The following PKMYT1 variants were observed in gnomAD, a reference collection of about 807,000 sequenced individuals.
PKMYT1 encodes protein kinase, membrane associated tyrosine/threonine 1.
In PKMYT1, 35 loss-of-function variants were observed where a neutral mutation model predicts 49.7. The ratio of observed to expected loss-of-function variants is 0.70; its 90% CI spans 0.54 to 0.93. The LOEUF (loss-of-function observed/expected upper bound fraction) is 0.93. PKMYT1 is among the 40% of genes least tolerant of loss of function. The pLI, the probability that PKMYT1 is intolerant of heterozygous loss-of-function variation, is 0.00. For missense variants in PKMYT1, 677 were observed against 673.1 expected (o/e 1.01, Z -0.06); for synonymous variants, 331 against 287.6 (o/e 1.15, Z -1.53).
chr16:2,978,909 T>G (rs1368567023), intron 2 of PKMYT1, among the ~76,000 whole-genome samples: 14 of 150,902 alleles, frequency 9.3e-5, no homozygotes, highest in Admixed American at 1.3e-4. Context: ...CAGGTTCAAG[T>G]AATTCTCTTG....
rs1567389100 is a variant in PKMYT1, at chr16:2,976,999, C to T, written c.43G>A (p.Glu15Lys). ...PPALAMPMPT[E>K]GTPPPLSGTP... is the part of the protein sequence containing the mutation. Reference sequence around the variant, plus strand: ...CCACTCAGAGGTGGCGGGGTGCCCTCCGTGGGCATGGGCATGGCCAGTGCA... The same window carrying T: ...CCACTCAGAGGTGGCGGGGTGCCCTTCGTGGGCATGGGCATGGCCAGTGCA... Residue 15 changes from glutamate to lysine, a missense_variant, in exon 3 of 9, where the codon GAG becomes AAG. Transcript: ENST00000262300. 3.8e-6 allele frequency: 6 copies of T among 1,575,942 alleles called. No individual in the cohort carries two copies. The highest frequency in any genetic ancestry group is 5.2e-6 in the Non-Finnish European group (6 of 1,163,322).
intron 7 of PKMYT1, chr16:2,973,464 A>G (rs1266012569): frequency 6.6e-7 from 1 of 1,511,466 alleles, no homozygotes. Context: ...CAGATTTGAA[A>G]TAAACTTTTA....
At chr16:2,977,353 T>A in intron 2 of PKMYT1, 1 of 1,088,156 alleles carries the variant, frequency 9.2e-7, no homozygotes, top group Non-Finnish European at 1.1e-6. Flanking sequence ...ATCCCTGCCC[T>A]CATCACGGCC....
At position 2,974,311 on chromosome 16, in the gene PKMYT1, C is replaced by A; in HGVS notation, c.1086G>T (p.Pro362=). The A allele has an allele frequency of 6.3e-7, 1 of 1,596,802 alleles. No individual in the cohort carries two copies. The highest frequency in any genetic ancestry group is 8.5e-7 in the Non-Finnish European group (1 of 1,172,368). The change falls in exon 6 of 9, where the codon CCG becomes CCT. Residue 362 remains proline (P), a synonymous_variant. Coordinates refer to ENST00000262300, the MANE Select transcript of PKMYT1 (RefSeq NM_004203.5). The part of the protein sequence containing the change: ...ALLALPVLRQ[P]RAWGVLWCMA... ...TGCACCACAGCACACCCCAGGCCCGCGGCTGCCTCAACACAGGCAGTGCCA... is the reference window on the plus strand; with the variant it reads ...TGCACCACAGCACACCCCAGGCCCGAGGCTGCCTCAACACAGGCAGTGCCA...
chr16:2,976,218 GA>G (rs2072189647), intron 3 of PKMYT1: 1 of 218,396 alleles, frequency 4.6e-6, no homozygotes, highest in African/African-American at 2.3e-5. Flanking sequence ...TCATACAAGG[GA>G]AAACTCCTCT....
At chr16:2,973,458 T>C (rs750204107) in intron 7 of PKMYT1, 7 of 1,516,016 alleles carry the variant, frequency 4.6e-6, no homozygotes, top group Non-Finnish European at 6.2e-6. Flanking sequence ...TGGAGGCAGA[T>C]TTGAAATAAA....
chr16:2,978,235 G>A (rs573252593), intron 2 of PKMYT1, among the ~76,000 whole-genome samples: 14 of 152,302 alleles, frequency 9.2e-5, no homozygotes, highest in Admixed American at 2.6e-4. Context: ...GAAACAGTGC[G>A]TAGGGAAGTT....
Position 2,974,234 on chromosome 16 carries a change from C to T in PKMYT1, c.1152+11G>A, listed in dbSNP as rs756556592. On this transcript the variant is annotated intron_variant, in intron 6 of 8. Transcript: ENST00000262300. ...GAGCAGGGCAGGCAGCCGCCACTGT[C>T]GGGAGCTTACCTGCCACAGGGCCCA... The T allele has an allele frequency of 7.2e-5, 112 of 1,558,064 alleles. No individual in the cohort carries two copies. Among genetic ancestry groups the T allele is most frequent in the Non-Finnish European group, 8.9e-5 (102 of 1,151,928 alleles).
chr16:2,977,742 C>A (rs2072237164), intron 2 of PKMYT1, among the ~76,000 whole-genome samples: 3 of 152,178 alleles, frequency 2.0e-5, no homozygotes, highest in African/African-American at 7.2e-5. Context: ...CCCTCTCCCC[C>A]CGCCTAGCAC....
At position 2,979,693 on chromosome 16, in the gene PKMYT1, G is replaced by A. The variant is rs558558630; in HGVS notation, c.-36C>T. The A allele has an allele frequency of 5.0e-6, 8 of 1,613,636 alleles. No homozygotes were observed. Among genetic ancestry groups the A allele is most frequent in the South Asian group, 1.1e-5 (1 of 91,060 alleles). On this transcript the variant is annotated 5_prime_UTR_variant, in exon 2 of 9. Transcript: ENST00000262300. ...GCCCAACAGCCTCAGTGGTGGGACG[G>A]GGGAGGCAGGAGCAGGGGCTCCCAC...
In PKMYT1 at chr16:2,979,753, G is replaced by C. The variant is rs878882953; in HGVS notation, c.-96C>G. 32 of 1,514,228 alleles carry C rather than the reference G, an allele frequency of 2.1e-5. No individual in the cohort carries two copies. In the South Asian group the frequency reaches 3.7e-4, roughly 17 times the overall value. 93.8% of individuals were successfully genotyped at this position (1,514,228 alleles called of 1,614,324 possible). On this transcript the variant is annotated 5_prime_UTR_variant, in exon 2 of 9. Coordinates refer to ENST00000262300, the MANE Select transcript of PKMYT1 (RefSeq NM_004203.5). ...GGGTGTCCCTGAGCTAAGGCCAGGCGGGGGTGACCTCCGCAGCTTCCGGGG... is the reference window on the plus strand; with the variant it reads ...GGGTGTCCCTGAGCTAAGGCCAGGCCGGGGTGACCTCCGCAGCTTCCGGGG...
At chr16:2,979,176 G>A (rs8063235) in intron 2 of PKMYT1, among the ~76,000 whole-genome samples, 151,998 of 152,016 alleles carry the variant, frequency 1, 75,990 homozygotes, top group Middle Eastern at 1. Flanking sequence ...CTCTACTAAA[G>A]ATACAAATTT....
In PKMYT1 at chr16:2,974,165, G is replaced by C; in HGVS notation, c.1153-8C>G. 6.3e-6 allele frequency: 10 copies of C among 1,594,632 alleles called. No homozygotes were observed. Among genetic ancestry groups the C allele is most frequent in the Non-Finnish European group, 8.5e-6 (10 of 1,170,586 alleles). On this transcript the variant is annotated splice_region_variant and splice_polypyrimidine_tract_variant and intron_variant, in intron 6 of 8. Transcript: ENST00000262300. ...GAGCAGGGCAAGCAGGGCCTGTGGG[G>C]GAGAGGAGCTCAGGATGTGGGTGGG...
Position 2,976,971 on chromosome 16 carries a change from G to A in PKMYT1, c.71C>T (p.Thr24Ile). Residue 24 changes from threonine (T) to isoleucine (I), a missense_variant, in exon 3 of 9, where the codon ACC becomes ATC. Thr to Ile is a moderately conservative substitution (Grantham distance 89). Transcript: ENST00000262300. ...TEGTPPPLSGTPIPVPAYFRH... is the reference protein window; with the variant it reads ...TEGTPPPLSGIPIPVPAYFRH... ...GAAGTAGGCTGGGACTGGGATGGGG[G>A]TGCCACTCAGAGGTGGCGGGGTGCC... 2.6e-6 allele frequency: 4 copies of A among 1,559,358 alleles called. No individual in the cohort carries two copies. Among genetic ancestry groups the A allele is most frequent in the Non-Finnish European group, 3.5e-6 (4 of 1,151,506 alleles).
intron 6 of PKMYT1, 42 bp from the exon 7 acceptor site, chr16:2,974,199 C>CG (rs1467480171): frequency 6.4e-7 from 1 of 1,561,260 alleles, no homozygotes; most frequent in African/African-American, 1.4e-5. Context: ...GGCGGACCCC[C>CG]GGGGCTGGGG....
Position 2,974,383 on chromosome 16 carries a change from C to T in PKMYT1, c.1014G>A (p.Met338Ile). ...GCAGCTTGGGGTCTGGCTCCAGCAT[C>T]ATGACAAGGACAGAACGCAGCTCGG... Reference protein sequence around the residue: ...LSSELRSVLVMMLEPDPKLRA... With the variant: ...LSSELRSVLVIMLEPDPKLRA... Residue 338 changes from methionine (M) to isoleucine (I), a missense_variant, in exon 6 of 9, where the codon ATG becomes ATA. By Grantham distance (10) the Met-to-Ile change is conservative. Coordinates refer to ENST00000262300, the MANE Select transcript of PKMYT1 (RefSeq NM_004203.5). 1.2e-6 allele frequency: 2 copies of T among 1,611,594 alleles called. No individual in the cohort carries two copies. The highest frequency in any genetic ancestry group is 2.7e-5 in the African/African-American group (2 of 75,042).
intron 5 of PKMYT1, 61 bp downstream of exon 5, chr16:2,974,489 G>A (rs1015568544): frequency 1.3e-6 from 2 of 1,537,172 alleles, no homozygotes; most frequent in Non-Finnish European, 1.8e-6. Context: ...GTGCCTCCAT[G>A]GCCAGCCACT....
At chr16:2,979,971 G>A (rs1006202821) in intron 1 of PKMYT1, 59 bp from the exon 2 acceptor site, 3 of 447,216 alleles carry the variant, frequency 6.7e-6, no homozygotes, top group African/African-American at 4.0e-5. Flanking sequence ...TGCAGAAGAA[G>A]AGAGGCTGTC....
chr16:2,979,763 T>C lies in PKMYT1; in HGVS notation c.-106A>G. 3 of 1,393,528 alleles carry C rather than the reference T, an allele frequency of 2.2e-6. No individual in the cohort carries two copies. Among genetic ancestry groups the C allele is most frequent in the Non-Finnish European group, 3.0e-6 (3 of 994,816 alleles). 86.3% of individuals were successfully genotyped at this position (1,393,528 alleles called of 1,614,324 possible). A position where few individuals can be genotyped will look rare whatever the true frequency, so the allele number is the denominator to read the frequency against. ...GAGCTAAGGCCAGGCGGGGGTGACCTCCGCAGCTTCCGGGGCCCTGGGCGA... is the reference window on the plus strand; with the variant it reads ...GAGCTAAGGCCAGGCGGGGGTGACCCCCGCAGCTTCCGGGGCCCTGGGCGA... On this transcript the variant is annotated 5_prime_UTR_variant, in exon 2 of 9. Coordinates refer to ENST00000262300, the MANE Select transcript of PKMYT1 (RefSeq NM_004203.5).
Sources: gnomAD v4.1 joint callset for allele counts (sites outside exome capture counted in the v4.1 genomes callset) on GRCh38, gnomAD v4.1.1 for gene constraint, MANE v1.5 for transcripts, NCBI Gene and HGNC (gene_info 2026-07-23, HGNC 2026-07-21) for gene names.